Variants in SLC22A3 observed in about 807,000 individuals in gnomAD.
SLC22A3 encodes the protein EMT organic cation transporter 3.
SLC22A3 carries 51 observed loss-of-function variants against 59.1 expected under a neutral mutation model. That is an observed-to-expected ratio of 0.86 (90% CI 0.69 to 1.09). SLC22A3 has a LOEUF of 1.09. Among genes scored for constraint, SLC22A3 ranks in the 50% least tolerant of loss-of-function variants. The probability of loss-of-function intolerance (pLI) is 0.00; values close to 1 mark genes in which losing one functional copy is unlikely to be tolerated. For synonymous variants in SLC22A3, 325 were observed against 292.0 expected, an observed-to-expected ratio of 1.11 and a Z score of -1.15; for missense variants, 711 against 726.3, an observed-to-expected ratio of 0.98 and a Z score of 0.24.
chr6:160,392,889 G>GATTATT (rs745447046), intron 1 of SLC22A3, among the ~76,000 whole-genome samples: 50 of 151,296 alleles, frequency 3.3e-4, no homozygotes, highest in Non-Finnish European at 5.5e-4. Context: ...CAGTATCAGT[G>GATTATT]ATTATTATTA....
At chr6:160,391,664 A>T (rs1310820582) in intron 1 of SLC22A3, among the ~76,000 whole-genome samples, 2 of 152,196 alleles carry the variant, frequency 1.3e-5, no homozygotes, top group African/African-American at 4.8e-5. Flanking sequence ...TCTCGTCTTT[A>T]GACAGTCTCA....
rs369067 is a variant in SLC22A3 at position 160,373,134 on chromosome 6, C to T, written c.429+24286C>T. 5.6e-3 allele frequency among the ~76,000 whole-genome samples: 855 copies of T among 152,268 alleles called. 14 individuals carry two copies. The East Asian group carries it at 0.062, about 11-fold the overall frequency. On this transcript the variant is annotated intron_variant, in intron 1 of 10. Transcript: ENST00000275300. ...TTTTGCCCTGGTTTTTCCTCATCTT[C>T]GTGGATTTATCTACCTTTGATCTTT...
intron 1 of SLC22A3, 101 bp from the exon 2 acceptor site, chr6:160,397,878 G>A: frequency 3.3e-6 from 3 of 905,618 alleles, no homozygotes; most frequent in Admixed American, 1.7e-5. Context: ...AAGAGTATAT[G>A]AGCAAAAATC....
At chr6:160,387,644 C>T (rs1283909764) in intron 1 of SLC22A3, among the ~76,000 whole-genome samples, 2 of 152,022 alleles carry the variant, frequency 1.3e-5, no homozygotes, top group Non-Finnish European at 1.5e-5. Flanking sequence ...TGTTTATAGG[C>T]GTCACCTTAG....
intron 2 of SLC22A3, among the ~76,000 whole-genome samples, chr6:160,403,779 CATCA>C (rs56918499): frequency 0.84 from 127,294 of 151,474 alleles, 54,053 homozygotes; most frequent in East Asian, 1. Context: ...TAATGTCATC[CATCA>C]ATCACATCGA....
intron 1 of SLC22A3, among the ~76,000 whole-genome samples, chr6:160,365,859 ACTTC>A (rs1785186035): frequency 6.6e-6 from 1 of 152,108 alleles, no homozygotes; most frequent in African/African-American, 2.4e-5. Context: ...GGAGGTAAAC[ACTTC>A]CTTCTTCACA....
intron 5 of SLC22A3, among the ~76,000 whole-genome samples, chr6:160,427,940 T>G (rs563408316): frequency 4.6e-5 from 7 of 152,338 alleles, no homozygotes; most frequent in African/African-American, 1.4e-4. Flanking sequence ...GAGATTTCGA[T>G]GACATGTTGG....
intron 1 of SLC22A3, among the ~76,000 whole-genome samples, chr6:160,382,148 G>T (rs1288326812): frequency 6.6e-6 from 1 of 152,106 alleles, no homozygotes; most frequent in Non-Finnish European, 1.5e-5. Context: ...TAAAAATGCA[G>T]ATCCATTTAT....
chr6:160,365,089 G>T (rs1785160714), intron 1 of SLC22A3, among the ~76,000 whole-genome samples: 1 of 152,000 alleles, frequency 6.6e-6, no homozygotes, highest in Admixed American at 6.5e-5. Context: ...GAACCATTAA[G>T]TTTTTAAAAT....
At chr6:160,445,169 T>C (rs1361044841) in intron 9 of SLC22A3, among the ~76,000 whole-genome samples, 3 of 152,078 alleles carry the variant, frequency 2.0e-5, no homozygotes, top group Non-Finnish European at 4.4e-5. Context: ...GAGGCTCCTA[T>C]GAGAATAGGT....
At chr6:160,402,470 G>T (rs184185328) in intron 2 of SLC22A3, among the ~76,000 whole-genome samples, 248 of 151,854 alleles carry the variant, frequency 1.6e-3, no homozygotes, top group Non-Finnish European at 2.6e-3. Flanking sequence ...GTTGGAAATG[G>T]TCAGATTCAA....
At chr6:160,363,293 C>T in intron 1 of SLC22A3, among the ~76,000 whole-genome samples, 1 of 152,256 alleles carries the variant, frequency 6.6e-6, no homozygotes, top group East Asian at 1.9e-4. Context: ...AGTCTCGCTT[C>T]TGTCGTGACC....
At chr6:160,362,717 C>T (rs1440858694) in intron 1 of SLC22A3, among the ~76,000 whole-genome samples, 1 of 152,192 alleles carries the variant, frequency 6.6e-6, no homozygotes. Context: ...AGACTGTGTC[C>T]AGGGCATGAG....
At chr6:160,374,673 G>A (rs561060135) in intron 1 of SLC22A3, among the ~76,000 whole-genome samples, 2 of 152,200 alleles carry the variant, frequency 1.3e-5, no homozygotes, top group Admixed American at 6.5e-5. Context: ...GGAGATGGGG[G>A]GCATTTCCCT....
Position 160,408,748 on chromosome 6 carries a change from T to G in SLC22A3, c.689-5T>G. 2 of 1,613,516 alleles carry G rather than the reference T, an allele frequency of 1.2e-6. No individual in the cohort carries two copies. The highest frequency in any genetic ancestry group is 1.7e-6 in the Non-Finnish European group (2 of 1,179,608). On this transcript the variant is annotated splice_polypyrimidine_tract_variant and splice_region_variant and intron_variant, in intron 3 of 10. Transcript: ENST00000275300. ...CTGTGACCTCTTGTGTTTGTTTTCC[T>G]TTAGTGACAGAAATAGTAGGTTCGA...
At chr6:160,409,029 T>C (rs1422549457) in intron 4 of SLC22A3, 108 bp downstream of exon 4, 5 of 999,656 alleles carry the variant, frequency 5.0e-6, no homozygotes, top group Non-Finnish European at 7.2e-6. Flanking sequence ...TTTTTTTTTT[T>C]TTTTATTATA....
intron 1 of SLC22A3, among the ~76,000 whole-genome samples, chr6:160,370,644 T>C (rs1785367860): frequency 6.6e-6 from 1 of 152,250 alleles, no homozygotes; most frequent in Non-Finnish European, 1.5e-5. Flanking sequence ...TATTACTTCA[T>C]GTAGGATTTT....
chr6:160,416,122 G>C (rs1181271479), intron 5 of SLC22A3, among the ~76,000 whole-genome samples: 2 of 152,174 alleles, frequency 1.3e-5, no homozygotes, highest in Non-Finnish European at 2.9e-5. Context: ...CTTGTTCCTA[G>C]GCTTCCATTT....
chr6:160,437,041 G>C lies in SLC22A3; in HGVS notation c.1118G>C (p.Gly373Ala). The change falls in exon 7 of 11, where the codon GGA becomes GCA. Residue 373 changes from glycine to alanine, a missense_variant. Transcript: ENST00000275300. ...VVYQGLVMRL[G>A]IIGGNLYIDF... ...TATCAAGGACTTGTCATGCGCCTGG[G>C]AATTATAGGGGGCAACCTCTATATA... The C allele has an allele frequency of 6.2e-7, 1 of 1,614,156 alleles. No individual in the cohort carries two copies. The highest frequency in any genetic ancestry group is 8.5e-7 in the Non-Finnish European group (1 of 1,180,018).
Sources: gnomAD v4.1 joint callset for allele counts (sites outside exome capture counted in the v4.1 genomes callset) on GRCh38, gnomAD v4.1.1 for gene constraint, MANE v1.5 for transcripts, NCBI Gene and HGNC (gene_info 2026-07-23, HGNC 2026-07-21) for gene names.